UPF1: variants seen among roughly 807,000 people sequenced by gnomAD.
UPF1 encodes the protein UPF1 RNA helicase and ATPase.
A neutral mutation model predicts 129.2 loss-of-function variants in UPF1; 9 were observed. The observed-to-expected ratio is 0.07, with a 90% CI of 0.04 to 0.12. The LOEUF (loss-of-function observed/expected upper bound fraction) is 0.12. Among genes scored for constraint, UPF1 ranks in the 10% least tolerant of loss-of-function variants. The pLI, the probability that UPF1 is intolerant of heterozygous loss-of-function variation, is 1.00. For synonymous variants in UPF1, 649 were observed against 644.9 expected (o/e 1.01, Z -0.10); for missense variants, 788 against 1,525.3 (o/e 0.52, Z 8.05).
chr19:18,851,353 G>A lies in UPF1; in HGVS notation c.810+485G>A, dbSNP rs573524425. On this transcript the variant is annotated intron_variant, in intron 5 of 23. Coordinates refer to ENST00000262803, the MANE Select transcript of UPF1 (RefSeq NM_002911.4). This position sits in a 1 kb window ranked among gnomAD's most constrained non-coding sequence, Gnocchi z 4.2. ...ACAGACAGCCCTCACTTTTCCCCAC[G>A]GAAGCCTTTCTGTGCTTCCAGCTGT... 5.3e-5 allele frequency among the ~76,000 whole-genome samples: 8 copies of A among 152,262 alleles called. No homozygotes were observed. The highest frequency in any genetic ancestry group is 2.1e-4 in the South Asian group (1 of 4,830).
chr19:18,834,804 A>T (rs1349809390), intron 1 of UPF1, among the ~76,000 whole-genome samples: 3 of 152,204 alleles, frequency 2.0e-5, no homozygotes, highest in East Asian at 3.8e-4. Flanking sequence ...GTTTGTCCTC[A>T]GGAGTTGGCC....
intron 15 of UPF1, 126 bp from the exon 16 acceptor site, chr19:18,860,195 A>C: frequency 1.0e-6 from 1 of 998,632 alleles, no homozygotes; most frequent in Non-Finnish European, 1.5e-6. Flanking sequence ...CCAGGGCCTC[A>C]CAGATCGAAG....
At chr19:18,848,399 C>T (rs1039856080) in intron 3 of UPF1, 1 of 155,226 alleles carries the variant, frequency 6.4e-6, no homozygotes, top group Non-Finnish European at 1.4e-5. Flanking sequence ...GGGGGGAGTT[C>T]GATGGTCTTG....
rs1357523524 is a variant in UPF1 at position 18,865,694 on chromosome 19, G to A, written c.3153G>A (p.Gln1051=). Residue 1051 remains glutamine (Q), a synonymous_variant, in exon 22 of 24, where the codon CAG becomes CAA. Transcript: ENST00000262803. The surrounding 1 kb of genome is among the most constrained non-coding windows in gnomAD (Gnocchi z 6.1). ...ATGTGGCGTCACAGCCCTTCTCTCA[G>A]GGCGCCCTGACGCAGGGCTACATCT... The part of the protein sequence containing the change: ...SQDVASQPFS[Q]GALTQGYISM... 3 of 1,613,690 alleles carry A rather than the reference G, an allele frequency of 1.9e-6. No homozygotes were observed. The African/African-American group carries it at 4.0e-5, about 22-fold the overall frequency.
Position 18,847,820 on chromosome 19 carries a change from A to C in UPF1, c.448A>C (p.Asn150His). The C allele has an allele frequency of 6.2e-7, 1 of 1,614,198 alleles. No individual in the cohort carries two copies. Among genetic ancestry groups the C allele is most frequent in the Non-Finnish European group, 8.5e-7 (1 of 1,180,024 alleles). Reference sequence around the variant, plus strand: ...GAAGTGGTTCTGCAACGGACGTGGAAATACTTCTGGCAGGTAGATAATCAG... The same window carrying C: ...GAAGTGGTTCTGCAACGGACGTGGACATACTTCTGGCAGGTAGATAATCAG... Reference protein sequence around the residue: ...SKKWFCNGRGNTSGSHIVNHL... With the variant: ...SKKWFCNGRGHTSGSHIVNHL... The change falls in exon 3 of 24, where the codon AAT (asparagine) becomes CAT (histidine). Residue 150 changes from asparagine (N) to histidine (H), a missense_variant. This residue lies in a region of UPF1 where 227 missense variants were observed against 517.9 expected (regional missense o/e 0.44). Transcript: ENST00000262803.
intron 1 of UPF1, among the ~76,000 whole-genome samples, chr19:18,835,010 T>C (rs543348372): frequency 6.6e-6 from 1 of 152,282 alleles, no homozygotes; most frequent in South Asian, 2.1e-4. Context: ...GGCTTTTATT[T>C]AGTATATTCA....
intron 9 of UPF1, 47 bp from the exon 10 acceptor site, chr19:18,854,832 A>C (rs955094342): frequency 6.2e-7 from 1 of 1,608,732 alleles, no homozygotes; most frequent in Non-Finnish European, 8.5e-7. Context: ...GATGTCGGAG[A>C]GGCGGCCACA....
chr19:18,863,717 CTCTCCTAGGGGAGGGT>C, intron 19 of UPF1, 105 bp downstream of exon 19: 2 of 1,401,240 alleles, frequency 1.4e-6, no homozygotes, highest in Non-Finnish European at 9.6e-7. Context: ...TGAGGGAGGG[CTCTCCTAGGGGAGGGT>C]GGGCTCTCCT....
chr19:18,843,729 G>A (rs2055567554), intron 1 of UPF1, among the ~76,000 whole-genome samples: 1 of 150,572 alleles, frequency 6.6e-6, no homozygotes, highest in Admixed American at 6.6e-5. Flanking sequence ...GTGTGTGTGT[G>A]TGTGTGTGTG....
intron 23 of UPF1, 25 bp from the exon 24 acceptor site, chr19:18,866,496 C>T (rs995757938): frequency 3.6e-6 from 1 of 274,618 alleles, no homozygotes. Flanking sequence ...CTCTCACCGC[C>T]TCCTGCCCTT....
intron 6 of UPF1, 107 bp from the exon 7 acceptor site, chr19:18,852,880 G>A: frequency 1.1e-6 from 1 of 908,038 alleles, no homozygotes; most frequent in Non-Finnish European, 1.7e-6. Flanking sequence ...CTGCTCTCAC[G>A]GCAGAGGCTT....
chr19:18,868,033 C>A lies in UPF1; in HGVS notation c.*1516C>A, dbSNP rs2055878233. 6.3e-6 allele frequency: 1 copy of A among 158,588 alleles called. No individual in the cohort carries two copies. The highest frequency in any genetic ancestry group is 1.8e-4 in the East Asian group (1 of 5,606). The allele number at this position is 158,588 out of a possible 1,614,324, so 9.8% of individuals were successfully genotyped here. On this transcript the variant is annotated 3_prime_UTR_variant, in exon 24 of 24. Transcript: ENST00000262803. Reference sequence around the variant, plus strand: ...GGTTTCCGCGGTGACCCCGCGGCGGCCTGAGGGACGCTCCCTGCCCCATCC... The same window carrying A: ...GGTTTCCGCGGTGACCCCGCGGCGGACTGAGGGACGCTCCCTGCCCCATCC...
intron 11 of UPF1, chr19:18,855,506 C>A (rs1021440099): frequency 1.4e-5 from 8 of 565,528 alleles, no homozygotes; most frequent in Non-Finnish European, 2.2e-5. Flanking sequence ...GTTCCGTGTG[C>A]GGCACTTTAT....
Position 18,850,586 on chromosome 19 carries a change from G to A in UPF1, c.630-102G>A, listed in dbSNP as rs2055647921. 1 of 1,320,334 alleles carries A rather than the reference G, an allele frequency of 7.6e-7. No homozygotes were observed. Among genetic ancestry groups the A allele is most frequent in the Non-Finnish European group, 1.0e-6 (1 of 994,868 alleles). 81.8% of individuals were successfully genotyped at this position (1,320,334 alleles called of 1,614,324 possible). On this transcript the variant is annotated intron_variant, in intron 4 of 23. Transcript: ENST00000262803. This position sits in a 1 kb window ranked among gnomAD's most constrained non-coding sequence, Gnocchi z 7.1. ...AATGTGATCACATAATAAAATGCAG[G>A]GCATGCCCCTTTGGGTGAAAGGTCA... is the stretch of plus-strand genomic sequence containing the variant.
chr19:18,855,786 T>G, intron 11 of UPF1, 139 bp from the exon 12 acceptor site: 1 of 1,214,988 alleles, frequency 8.2e-7, no homozygotes. Context: ...ATGTTGAGGC[T>G]GCAATTAGCT....
intron 1 of UPF1, among the ~76,000 whole-genome samples, chr19:18,840,719 T>A (rs2055532219): frequency 6.6e-6 from 1 of 152,190 alleles, no homozygotes; most frequent in Non-Finnish European, 1.5e-5. Context: ...CTCTCCTTGC[T>A]GGAGCACATA....
rs141538983 is a variant in UPF1, at chr19:18,849,792, T to G, written c.462-283T>G. 5.5e-5 allele frequency: 23 copies of G among 421,122 alleles called. No individual in the cohort carries two copies. In the East Asian group the frequency reaches 1.2e-3, roughly 22 times the overall value. The allele number at this position is 421,122 out of a possible 1,614,324, so 26.1% of individuals were successfully genotyped here. A position where few individuals can be genotyped will look rare whatever the true frequency, so the allele number is the denominator to read the frequency against. ...CAACAATGGGTTAAATTAGGCCTGA[T>G]AAGTTGGATTTAAGAAAGCAGGATT... On this transcript the variant is annotated intron_variant, in intron 3 of 23. Transcript: ENST00000262803.
chr19:18,866,341 G>A (rs1025563913), intron 23 of UPF1, among the ~76,000 whole-genome samples, 175 bp downstream of exon 23: 2 of 152,196 alleles, frequency 1.3e-5, no homozygotes, highest in African/African-American at 4.8e-5. Context: ...GCTAGTCAGG[G>A]TGGCTCCTCA....
rs1416731229 is a variant in UPF1 at position 18,855,192 on chromosome 19, G to A, written c.1494G>A (p.Lys498=). 6.2e-7 allele frequency: 1 copy of A among 1,613,526 alleles called. No individual in the cohort carries two copies. Among genetic ancestry groups the A allele is most frequent in the Admixed American group, 1.7e-5 (1 of 60,034 alleles). ...SLIQGPPGTG[K]TVTSATIVYH... is the part of the protein sequence containing the mutation. ...TCCAGGGCCCGCCAGGCACGGGGAA[G>A]ACGGTGACGTCGGCCACCATCGTCT... Residue 498 remains lysine, a synonymous_variant, in exon 11 of 24, where the codon AAG becomes AAA. Coordinates refer to ENST00000262803, the MANE Select transcript of UPF1 (RefSeq NM_002911.4).
Sources: allele counts gnomAD v4.1 joint callset (sites outside exome capture counted in the v4.1 genomes callset), GRCh38; gene constraint gnomAD v4.1.1; regional missense constraint gnomAD v4.1.1; non-coding constraint Gnocchi (gnomAD v3.1); transcripts MANE v1.5; gene names NCBI Gene and HGNC (gene_info 2026-07-23, HGNC 2026-07-21).